Variants in CNTNAP2 observed in about 807,000 individuals in gnomAD.
The protein encoded by CNTNAP2 is contactin-associated protein-like 2.
A neutral mutation model predicts 155.2 loss-of-function variants in CNTNAP2; 98 were observed. The observed-to-expected ratio is 0.63, with a 90% CI of 0.54 to 0.75. CNTNAP2 has a LOEUF of 0.75. CNTNAP2 is among the 30% of genes least tolerant of loss of function. CNTNAP2 has a pLI of 0.00. For missense variants in CNTNAP2, 1,727 were observed against 1,688.1 expected, an observed-to-expected ratio of 1.02 and a Z score of -0.40; for synonymous variants, 651 against 631.2, an observed-to-expected ratio of 1.03 and a Z score of -0.47.
At chr7:148,226,143 G>A (rs575718832) in intron 19 of CNTNAP2, among the ~76,000 whole-genome samples, 1 of 152,094 alleles carries the variant, frequency 6.6e-6, no homozygotes, top group East Asian at 1.9e-4. Context: ...CTTCTTGACT[G>A]GAATATCATT....
chr7:146,254,551 GTTCAGGTAA>G (rs1799808846), intron 1 of CNTNAP2, among the ~76,000 whole-genome samples: 1 of 152,178 alleles, frequency 6.6e-6, no homozygotes, highest in Non-Finnish European at 1.5e-5. Context: ...TATTAGAAGT[GTTCAGGTAA>G]ATAAAACGTT....
At chr7:146,390,076 A>G (rs957764266) in intron 1 of CNTNAP2, among the ~76,000 whole-genome samples, 2 of 152,104 alleles carry the variant, frequency 1.3e-5, no homozygotes, top group Non-Finnish European at 2.9e-5. Flanking sequence ...AATAATTTTT[A>G]GTAATTAAAA....
chr7:146,282,017 A>G (rs1231916317), intron 1 of CNTNAP2, among the ~76,000 whole-genome samples: 4 of 152,176 alleles, frequency 2.6e-5, no homozygotes, highest in Non-Finnish European at 4.4e-5. Context: ...GTAGAGACCT[A>G]AAAGCCCTAA....
intron 12 of CNTNAP2, among the ~76,000 whole-genome samples, chr7:147,599,314 T>TA (rs1201044349): frequency 6.6e-5 from 10 of 150,956 alleles, no homozygotes; most frequent in Non-Finnish European, 1.2e-4. Context: ...CTGTCTCTAC[T>TA]AAAAAAATAA....
intron 8 of CNTNAP2, among the ~76,000 whole-genome samples, chr7:147,176,865 TAG>T (rs1173896567): frequency 1.7e-5 from 2 of 117,006 alleles, no homozygotes; most frequent in Middle Eastern, 6.9e-3. Context: ...ATAGATATTA[TAG>T]AATAATTATA....
At chr7:146,724,371 T>C (rs1801392373) in intron 1 of CNTNAP2, among the ~76,000 whole-genome samples, 1 of 152,062 alleles carries the variant, frequency 6.6e-6, no homozygotes, top group South Asian at 2.1e-4. Flanking sequence ...TTTTCCTGTA[T>C]TTTGAATGAG....
intron 1 of CNTNAP2, among the ~76,000 whole-genome samples, chr7:146,366,822 G>A (rs1321522716): frequency 6.6e-6 from 1 of 152,110 alleles, no homozygotes; most frequent in Non-Finnish European, 1.5e-5. Context: ...GTACTTCACA[G>A]GCATTTTGGA....
At chr7:146,719,940 C>A (rs958238276) in intron 1 of CNTNAP2, among the ~76,000 whole-genome samples, 1 of 152,020 alleles carries the variant, frequency 6.6e-6, no homozygotes, top group Non-Finnish European at 1.5e-5. Context: ...TGCAGAGACC[C>A]AAATGTTGAA....
At chr7:146,234,411 T>C (rs992863850) in intron 1 of CNTNAP2, among the ~76,000 whole-genome samples, 8 of 152,200 alleles carry the variant, frequency 5.3e-5, no homozygotes, top group Non-Finnish European at 1.0e-4. Context: ...ATTGTGTAGG[T>C]TGCCTGTTCA....
At chr7:148,367,956 A>C (rs966035625) in intron 21 of CNTNAP2, among the ~76,000 whole-genome samples, 2 of 152,196 alleles carry the variant, frequency 1.3e-5, no homozygotes, top group African/African-American at 2.4e-5. Flanking sequence ...CCAGCTGAGA[A>C]AATAAGCACA....
At chr7:146,864,020 C>T (rs1795154277) in intron 3 of CNTNAP2, among the ~76,000 whole-genome samples, 1 of 151,956 alleles carries the variant, frequency 6.6e-6, no homozygotes, top group South Asian at 2.1e-4. Context: ...AATTAAAATG[C>T]TCTAAGTAAC....
chr7:146,918,325 A>AT (rs992356974), intron 3 of CNTNAP2, among the ~76,000 whole-genome samples: 9 of 151,500 alleles, frequency 5.9e-5, no homozygotes, highest in African/African-American at 2.2e-4. Flanking sequence ...TGTTTCGAGG[A>AT]TTTTTTTCAA....
chr7:147,255,592 CTA>C lies in CNTNAP2; in HGVS notation c.1349-44546_1349-44545del, dbSNP rs568017786. ...AATTATGTTTAACTTTGCTCTTATT[CTA>C]TAATTTTGCACCTCTGGAGGTAAAG... is the stretch of plus-strand genomic sequence containing the variant. On this transcript the variant is annotated intron_variant, in intron 8 of 23. Coordinates refer to ENST00000361727, the MANE Select transcript of CNTNAP2 (RefSeq NM_014141.6). Among the ~76,000 whole-genome samples the C allele has an allele frequency of 4.7e-4, 72 of 152,030 alleles. No individual in the cohort carries two copies. In the East Asian group the frequency reaches 0.013, roughly 28 times the overall value.
intron 3 of CNTNAP2, among the ~76,000 whole-genome samples, chr7:146,966,285 A>T (rs1797655458): frequency 6.6e-6 from 1 of 152,172 alleles, no homozygotes; most frequent in Non-Finnish European, 1.5e-5. Context: ...TGCTTTATGA[A>T]AGGCACAAAC....
At chr7:146,489,000 C>A (rs566533762) in intron 1 of CNTNAP2, among the ~76,000 whole-genome samples, 1 of 152,274 alleles carries the variant, frequency 6.6e-6, no homozygotes, top group South Asian at 2.1e-4. Flanking sequence ...ACAGAGATTT[C>A]AATTTGAACA....
intron 1 of CNTNAP2, among the ~76,000 whole-genome samples, chr7:146,722,429 G>C (rs1255967790): frequency 6.6e-6 from 1 of 152,030 alleles, no homozygotes; most frequent in Non-Finnish European, 1.5e-5. Context: ...GGCGATTATT[G>C]CTCCATTTAA....
intron 11 of CNTNAP2, among the ~76,000 whole-genome samples, chr7:147,556,587 C>T (rs746220348): frequency 1.3e-5 from 2 of 152,094 alleles, no homozygotes; most frequent in Non-Finnish European, 2.9e-5. Context: ...GAGGGAAATT[C>T]CACCTAATTC....
intron 21 of CNTNAP2, among the ~76,000 whole-genome samples, chr7:148,371,850 A>AAC (rs1798890566): frequency 6.6e-6 from 1 of 152,320 alleles, no homozygotes; most frequent in African/African-American, 2.4e-5. Context: ...AGGCAACGGT[A>AAC]ACACAACGGT....
intron 18 of CNTNAP2, among the ~76,000 whole-genome samples, chr7:148,212,329 TTATTTGTC>T (rs1795566045): frequency 6.6e-6 from 1 of 152,188 alleles, no homozygotes; most frequent in Non-Finnish European, 1.5e-5. Flanking sequence ...TAAGACAAGG[TTATTTGTC>T]TACTTGAAGG....
Sources: gnomAD v4.1 joint callset for allele counts (sites outside exome capture counted in the v4.1 genomes callset) on GRCh38, gnomAD v4.1.1 for gene constraint, MANE v1.5 for transcripts, NCBI Gene and HGNC (gene_info 2026-07-23, HGNC 2026-07-21) for gene names.